The following CLCC1 variants were observed in gnomAD, a reference collection of about 807,000 sequenced individuals.
The protein encoded by CLCC1 is chloride channel CLIC-like protein 1.
CLCC1 carries 39 observed loss-of-function variants against 63.3 expected under a neutral mutation model. The ratio of observed to expected loss-of-function variants is 0.62; its 90% confidence interval spans 0.48 to 0.81. The LOEUF is 0.81. Among genes scored for constraint, CLCC1 ranks in the 30% least tolerant of loss-of-function variants. CLCC1 has a pLI of 0.00. For synonymous variants in CLCC1, 217 were observed against 239.8 expected, an observed-to-expected ratio of 0.90 and a Z score of 0.88; for missense variants, 549 against 669.4, an observed-to-expected ratio of 0.82 and a Z score of 1.98.
Position 108,931,631 on chromosome 1 carries a change from A to G in CLCC1, c.*916T>C. 1 of 1,045,174 alleles carries G rather than the reference A, an allele frequency of 9.6e-7. No individual in the cohort carries two copies. The highest frequency in any genetic ancestry group is 1.3e-6 in the Non-Finnish European group (1 of 779,934). 64.7% of individuals were successfully genotyped at this position (1,045,174 alleles called of 1,614,324 possible). A position where few individuals can be genotyped will look rare whatever the true frequency, so the allele number is the denominator to read the frequency against. On this transcript the variant is annotated 3_prime_UTR_variant, in exon 13 of 13. Coordinates refer to ENST00000369969, the MANE Select transcript of CLCC1 (RefSeq NM_001377458.1). ...TTAATTACATTAAGTGCTCAGCTAAAAAAAAAAAAAAAGTTCTAAATTACA... is the reference window on the plus strand; with the variant it reads ...TTAATTACATTAAGTGCTCAGCTAAGAAAAAAAAAAAAGTTCTAAATTACA...
At chr1:108,962,960 T>A (rs1656860942) in intron 1 of CLCC1, among the ~76,000 whole-genome samples, 1 of 152,240 alleles carries the variant, frequency 6.6e-6, no homozygotes, top group African/African-American at 2.4e-5. Flanking sequence ...TTTGAAGTTT[T>A]AGAAAATTAA....
chr1:108,945,743 G>A (rs781052143), intron 5 of CLCC1, among the ~76,000 whole-genome samples: 7 of 152,156 alleles, frequency 4.6e-5, no homozygotes, highest in Non-Finnish European at 8.8e-5. Flanking sequence ...ACAAAATAAT[G>A]GGTTTCCATA....
chr1:108,955,845 C>T (rs980074494), intron 2 of CLCC1, among the ~76,000 whole-genome samples: 13 of 151,594 alleles, frequency 8.6e-5, no homozygotes, highest in Middle Eastern at 3.2e-3. Context: ...CCAGCAGCCC[C>T]TAGGTTCTCA....
At position 108,944,019 on chromosome 1, in the gene CLCC1, C is replaced by T; in HGVS notation, c.378G>A (p.Glu126=). ...ENKGDMHYDA[E]IILKRETLLE... Reference sequence around the variant, plus strand: ...ACAAAGTTTCTCTTTTAAGGATAATCTCAGCATCATAATGCATATCGCCTT... The same window carrying T: ...ACAAAGTTTCTCTTTTAAGGATAATTTCAGCATCATAATGCATATCGCCTT... Residue 126 remains glutamate (E), a synonymous_variant, in exon 6 of 13, where the codon GAG becomes GAA. Transcript: ENST00000369969. The T allele has an allele frequency of 6.2e-7, 1 of 1,612,446 alleles. No individual in the cohort carries two copies.
chr1:108,947,163 CA>C lies in CLCC1; in HGVS notation c.339+447del, dbSNP rs1219463688. 1.3e-4 allele frequency among the ~76,000 whole-genome samples: 19 copies of C among 141,722 alleles called. No homozygotes were observed. In the South Asian group the frequency reaches 2.5e-3, roughly 19 times the overall value. The allele number at this position is 141,722 out of a possible 152,430, so 93.0% of individuals were successfully genotyped here. A position where few individuals can be genotyped will look rare whatever the true frequency, so the allele number is the denominator to read the frequency against. On this transcript the variant is annotated intron_variant, in intron 5 of 12. Transcript: ENST00000369969. ...TGGACAACAGAGCGAGACTCTGTCT[CA>C]AAAAAAAAAGGAAATTTTAACAATA... is the stretch of plus-strand genomic sequence containing the variant.
In CLCC1 at chr1:108,937,222, G is replaced by A; in HGVS notation, c.1238C>T (p.Ala413Val). Reference sequence around the variant, plus strand: ...CTCTCTTCTACCCTCATACGTTTTGGCATAAGGGCCTTGCTCAGTGGGGCC... The same window carrying A: ...CTCTCTTCTACCCTCATACGTTTTGACATAAGGGCCTTGCTCAGTGGGGCC... ...QMGPTEQGPY[A>V]KTYEGRREIL... Residue 413 changes from alanine to valine, a missense_variant, in exon 11 of 13, where the codon GCC becomes GTC. Coordinates refer to ENST00000369969, the MANE Select transcript of CLCC1 (RefSeq NM_001377458.1). The A allele has an allele frequency of 6.2e-7, 1 of 1,613,088 alleles. No homozygotes were observed. The highest frequency in any genetic ancestry group is 8.5e-7 in the Non-Finnish European group (1 of 1,179,666).
Position 108,934,657 on chromosome 1 carries a change from T to C in CLCC1, c.*13A>G. The C allele has an allele frequency of 6.2e-7, 1 of 1,609,124 alleles. No individual in the cohort carries two copies. Among genetic ancestry groups the C allele is most frequent in the Non-Finnish European group, 8.5e-7 (1 of 1,177,276 alleles). ...GAAGGAGACTTGAGGCTGTCGTTTG[T>C]GCTGGTGTTCCTCTAGCCACAGGGG... On this transcript the variant is annotated 3_prime_UTR_variant, in exon 12 of 13. Transcript: ENST00000369969.
rs1304981813 is a variant in CLCC1, at chr1:108,930,267, A to ATAAT, written c.*2276_*2279dup. 4.5e-6 allele frequency: 1 copy of ATAAT among 224,500 alleles called. No individual in the cohort carries two copies. The highest frequency in any genetic ancestry group is 2.3e-5 in the African/African-American group (1 of 43,826). 13.9% of individuals were successfully genotyped at this position (224,500 alleles called of 1,614,324 possible). A position where few individuals can be genotyped will look rare whatever the true frequency, so the allele number is the denominator to read the frequency against. The stretch of plus-strand genomic sequence containing the variant: ...ATTAGAATTTAATACTCTTATGGAA[A>ATAAT]TAATTTTTTAACATCTTAATTGACA... On this transcript the variant is annotated 3_prime_UTR_variant, in exon 13 of 13. Transcript: ENST00000369969.
Position 108,931,006 on chromosome 1 carries a change from C to T in CLCC1, c.*1541G>A, listed in dbSNP as rs1177950089. ...GGTGGAGGCTGCACTGAGCTATGAT[C>T]GTGCCACTGCACTCCAGCCTGGGTG... On this transcript the variant is annotated 3_prime_UTR_variant, in exon 13 of 13. Coordinates refer to ENST00000369969, the MANE Select transcript of CLCC1 (RefSeq NM_001377458.1). 3 of 196,408 alleles carry T rather than the reference C, an allele frequency of 1.5e-5. No individual in the cohort carries two copies. The highest frequency in any genetic ancestry group is 5.6e-5 in the Admixed American group (1 of 17,828). The allele number at this position is 196,408 out of a possible 1,614,324, so 12.2% of individuals were successfully genotyped here. A position where few individuals can be genotyped will look rare whatever the true frequency, so the allele number is the denominator to read the frequency against.
chr1:108,947,794 G>A lies in CLCC1; in HGVS notation c.232-76C>T, dbSNP rs1045282817. On this transcript the variant is annotated intron_variant, in intron 4 of 12. Coordinates refer to ENST00000369969, the MANE Select transcript of CLCC1 (RefSeq NM_001377458.1). Reference sequence around the variant, plus strand: ...AGGGTTAAGTTTCTAGCCTAGTGCTGTCATCGGAATCAAGGTAAGGAGCTA... The same window carrying A: ...AGGGTTAAGTTTCTAGCCTAGTGCTATCATCGGAATCAAGGTAAGGAGCTA... 7 of 955,930 alleles carry A rather than the reference G, an allele frequency of 7.3e-6. No homozygotes were observed. The African/African-American group carries it at 9.9e-5, about 14-fold the overall frequency. The allele number at this position is 955,930 out of a possible 1,614,324, so 59.2% of individuals were successfully genotyped here.
Position 108,929,875 on chromosome 1 carries a change from G to T in CLCC1, c.*2672C>A, listed in dbSNP as rs1443228788. 1 of 1,613,632 alleles carries T rather than the reference G, an allele frequency of 6.2e-7. No individual in the cohort carries two copies. Among genetic ancestry groups the T allele is most frequent in the African/African-American group, 1.3e-5 (1 of 74,898 alleles). The stretch of plus-strand genomic sequence containing the variant: ...CAGAGACACTGACTTTGGGCTAAAG[G>T]ACTTTTTGCAAAATAATGCTTTGTT... On this transcript the variant is annotated 3_prime_UTR_variant, in exon 13 of 13. Transcript: ENST00000369969.
rs114558565 is a variant in CLCC1, at chr1:108,929,756, C to T, written c.*2791G>A. 104 of 1,613,030 alleles carry T rather than the reference C, an allele frequency of 6.4e-5. No individual in the cohort carries two copies. The African/African-American group carries it at 9.7e-4, about 15-fold the overall frequency. The stretch of plus-strand genomic sequence containing the variant: ...CCACCACCTGCTACCACAAAGGGTC[C>T]GACAGTACCAGATGAAGACTTTTTC... On this transcript the variant is annotated 3_prime_UTR_variant, in exon 13 of 13. Coordinates refer to ENST00000369969, the MANE Select transcript of CLCC1 (RefSeq NM_001377458.1).
intron 2 of CLCC1, among the ~76,000 whole-genome samples, chr1:108,956,806 G>A (rs937126802): frequency 1.5e-5 from 2 of 135,552 alleles, no homozygotes; most frequent in Non-Finnish European, 3.2e-5. Context: ...GAAGCCCTGA[G>A]TGGAGAAGAA....
intron 2 of CLCC1, among the ~76,000 whole-genome samples, chr1:108,960,687 A>G (rs956748592): frequency 1.4e-4 from 22 of 152,222 alleles, no homozygotes; most frequent in Admixed American, 1.4e-3. Flanking sequence ...GACAGATTTC[A>G]TATTATAATA....
At chr1:108,939,857 A>C in intron 9 of CLCC1, 75 bp from the exon 10 acceptor site, 1 of 1,453,764 alleles carries the variant, frequency 6.9e-7, no homozygotes. Context: ...TTCATTGAGT[A>C]CTGATGCTGA....
In CLCC1 at chr1:108,955,179, C is replaced by T. The variant is rs188672213; in HGVS notation, c.-11-4731G>A. On this transcript the variant is annotated intron_variant, in intron 2 of 12. Transcript: ENST00000369969. ...GTTACAGGGATACCAGGAGTCTACA[C>T]AGACAAAGGTCTTCTTCAGGAAGGT... Among the ~76,000 whole-genome samples the T allele has an allele frequency of 6.1e-4, 93 of 151,302 alleles. 6 individuals are homozygous for T. The highest frequency in any genetic ancestry group is 3.4e-3 in the Middle Eastern group (1 of 294).
At chr1:108,934,199 TGTCA>T (rs1232711399) in intron 12 of CLCC1, 1 of 156,548 alleles carries the variant, frequency 6.4e-6, no homozygotes, top group East Asian at 1.9e-4. Context: ...TAAGCTGAGG[TGTCA>T]GTCAGACTGA....
At chr1:108,944,840 A>G (rs1654334891) in intron 5 of CLCC1, among the ~76,000 whole-genome samples, 1 of 152,142 alleles carries the variant, frequency 6.6e-6, no homozygotes, top group East Asian at 1.9e-4. Flanking sequence ...CGCATTAGCC[A>G]GGATGGTCTC....
chr1:108,956,660 C>CAAA (rs34324137), intron 2 of CLCC1, among the ~76,000 whole-genome samples: 4 of 133,644 alleles, frequency 3.0e-5, no homozygotes, highest in African/African-American at 2.9e-5. Flanking sequence ...GACTCCGTCT[C>CAAA]AAAAAAAAAA....
Sources: gnomAD v4.1 joint callset for allele counts (sites outside exome capture counted in the v4.1 genomes callset) on GRCh38, gnomAD v4.1.1 for gene constraint, MANE v1.5 for transcripts, NCBI Gene and HGNC (gene_info 2026-07-23, HGNC 2026-07-21) for gene names.